The following IGSF10 variants were observed in gnomAD, a reference collection of about 807,000 sequenced individuals.
IGSF10 encodes immunoglobulin superfamily member 10.
In IGSF10, 126 loss-of-function variants were observed where a neutral mutation model predicts 128.2. The ratio of observed to expected loss-of-function variants is 0.98; its 90% CI spans 0.85 to 1.14. The LOEUF is 1.14. Among genes scored for constraint, IGSF10 ranks in the 50% most tolerant of loss-of-function variants. IGSF10 has a pLI of 0.00. For synonymous variants in IGSF10, 1,185 were observed against 1,146.2 expected, an observed-to-expected ratio of 1.03 and a Z score of -0.68; for missense variants, 3,295 against 3,149.8, an observed-to-expected ratio of 1.05 and a Z score of -1.10.
chr3:151,558,006 A>ATATATATATAAAATATATATAT, the IGSF10 span, among the ~76,000 whole-genome samples: 10 of 26,668 alleles, frequency 3.7e-4, no homozygotes, highest in Non-Finnish European at 6.9e-4. Flanking sequence ...AGTATATATA[A>ATATATATATAAAATATATATAT]TATATATATA....
At chr3:151,566,952 T>C in the IGSF10 span, among the ~76,000 whole-genome samples, 1 of 152,220 alleles carries the variant, frequency 6.6e-6, no homozygotes, top group African/African-American at 2.4e-5. Context: ...GTTCGTCTAA[T>C]GTCATAGCCT....
rs756081133 is a variant in IGSF10 at position 151,453,549 on chromosome 3, T to C, written c.550A>G (p.Ile184Val). The C allele has an allele frequency of 7.4e-6, 12 of 1,613,972 alleles. No homozygotes were observed. Among genetic ancestry groups the C allele is most frequent in the Non-Finnish European group, 9.3e-6 (11 of 1,179,914 alleles). ...AAGTATAGGAACTTAATGAAAGAGA[T>C]TTTAAATATCTGGAGGTAGCTCAAA... ...VSLSYLQIFK[I>V]SFIKFLYLSD... The change falls in exon 5 of 8, where the codon ATC (isoleucine) becomes GTC (valine). Residue 184 changes from isoleucine to valine, a missense_variant. Transcript: ENST00000282466.
the IGSF10 span, among the ~76,000 whole-genome samples, chr3:151,521,096 C>A: frequency 2.6e-5 from 4 of 151,732 alleles, no homozygotes; most frequent in Non-Finnish European, 4.4e-5. Context: ...TCAGACAAAA[C>A]AGACTTCAAA....
the IGSF10 span, among the ~76,000 whole-genome samples, chr3:151,554,049 G>C: frequency 6.6e-6 from 1 of 151,994 alleles, no homozygotes; most frequent in East Asian, 1.9e-4. Flanking sequence ...CAGAGGCTGA[G>C]GCAGGAGGAT....
the IGSF10 span, among the ~76,000 whole-genome samples, chr3:151,557,889 T>A: frequency 6.7e-6 from 1 of 148,782 alleles, no homozygotes. Context: ...TTTAGAGACA[T>A]CTTCACAAGT....
chr3:151,480,771 G>T, the IGSF10 span, among the ~76,000 whole-genome samples: 1 of 151,944 alleles, frequency 6.6e-6, no homozygotes, highest in Non-Finnish European at 1.5e-5. Context: ...GTTACTGCTG[G>T]ATCCTCCCTA....
At chr3:151,464,420 G>A (rs981477690), upstream of IGSF10, among the ~76,000 whole-genome samples, 1 of 151,936 alleles carries the variant, frequency 6.6e-6, no homozygotes, top group Non-Finnish European at 1.5e-5. Context: ...GACATTATTT[G>A]CTGTCTTTTC....
rs755345452 is a variant in IGSF10, at chr3:151,446,453, C to G, written c.3528G>C (p.Val1176=). The stretch of plus-strand genomic sequence containing the variant: ...TAGCACCTGAAAGTGACGATGTAAT[C>G]ACTGAATCTCTTTTAGCTTCATTGG... The part of the protein sequence containing the change: ...SSTNEAKRDS[V]ITSSLSGAIT... The change falls in exon 6 of 8, where the codon GTG becomes GTC. Residue 1176 remains valine (V), a synonymous_variant. Transcript: ENST00000282466. 1.1e-5 allele frequency: 18 copies of G among 1,614,052 alleles called. No homozygotes were observed. The South Asian group carries it at 2.0e-4, about 18-fold the overall frequency.
At chr3:151,495,989 A>C in the IGSF10 span, among the ~76,000 whole-genome samples, 1 of 152,144 alleles carries the variant, frequency 6.6e-6, no homozygotes, top group African/African-American at 2.4e-5. Context: ...GTCAAAGTCA[A>C]CCTATGATTA....
intron 4 of IGSF10, among the ~76,000 whole-genome samples, chr3:151,456,056 C>G (rs1721775528): frequency 6.6e-6 from 1 of 152,166 alleles, no homozygotes; most frequent in Non-Finnish European, 1.5e-5. Context: ...CTCAATGTTC[C>G]TCAACAGCCA....
the IGSF10 span, among the ~76,000 whole-genome samples, chr3:151,485,157 A>G: frequency 6.9e-4 from 105 of 152,288 alleles, no homozygotes; most frequent in East Asian, 0.018. Flanking sequence ...TGAAGCATAC[A>G]TAAGTATCAA....
At chr3:151,497,772 T>A in the IGSF10 span, among the ~76,000 whole-genome samples, 1 of 152,168 alleles carries the variant, frequency 6.6e-6, no homozygotes, top group Admixed American at 6.5e-5. Context: ...TTGGGCAGTA[T>A]GGCCATTTTC....
chr3:151,598,366 A>G, the IGSF10 span, among the ~76,000 whole-genome samples: 1 of 151,690 alleles, frequency 6.6e-6, no homozygotes, highest in Non-Finnish European at 1.5e-5. Context: ...CTCAGACAAA[A>G]GAGAAAACTC....
At chr3:151,572,669 G>A in the IGSF10 span, among the ~76,000 whole-genome samples, 2 of 152,080 alleles carry the variant, frequency 1.3e-5, no homozygotes, top group Non-Finnish European at 2.9e-5. Context: ...CAAAAAAACA[G>A]CTTCTGGATT....
At chr3:151,606,694 G>A in the IGSF10 span, among the ~76,000 whole-genome samples, 1 of 152,198 alleles carries the variant, frequency 6.6e-6, no homozygotes, top group Non-Finnish European at 1.5e-5. Flanking sequence ...AGCTGAGAAA[G>A]TAGCATGGAG....
chr3:151,442,654 G>C (rs1283434097), intron 7 of IGSF10, among the ~76,000 whole-genome samples: 2 of 150,742 alleles, frequency 1.3e-5, no homozygotes, highest in Non-Finnish European at 2.9e-5. Context: ...CTCCCAAAGT[G>C]CTAGGATTAC....
chr3:151,466,355 T>C, the IGSF10 span, among the ~76,000 whole-genome samples: 9 of 152,292 alleles, frequency 5.9e-5, no homozygotes, highest in African/African-American at 1.9e-4. Flanking sequence ...TTGGGGTCTC[T>C]GAGTTTACTT....
At chr3:151,482,655 G>A in the IGSF10 span, among the ~76,000 whole-genome samples, 2 of 152,216 alleles carry the variant, frequency 1.3e-5, no homozygotes, top group Non-Finnish European at 2.9e-5. Context: ...GAAATCCCAA[G>A]TCCTGGATGA....
At chr3:151,547,661 T>C in the IGSF10 span, among the ~76,000 whole-genome samples, 1 of 152,206 alleles carries the variant, frequency 6.6e-6, no homozygotes, top group Non-Finnish European at 1.5e-5. Context: ...TGGAGTACTC[T>C]GGTTTCTAGA....
Sources: gnomAD v4.1 joint callset for allele counts (sites outside exome capture counted in the v4.1 genomes callset) on GRCh38, gnomAD v4.1.1 for gene constraint, MANE v1.5 for transcripts, NCBI Gene and HGNC (gene_info 2026-07-23, HGNC 2026-07-21) for gene names.